The following ZBTB20 variants were observed in gnomAD, a reference collection of about 807,000 sequenced individuals.
ZBTB20 encodes zinc finger and BTB domain containing 20.
ZBTB20 carries 9 observed loss-of-function variants against 56.9 expected under a neutral mutation model. That is an observed-to-expected ratio of 0.16 (90% CI 0.10 to 0.28). The LOEUF is 0.28. Ranked by LOEUF, ZBTB20 falls within the 10% of genes least tolerant of loss-of-function variation. The pLI is 1.00. For synonymous variants in ZBTB20, 417 were observed against 420.7 expected (o/e 0.99, Z 0.11); for missense variants, 655 against 1,003.0 (o/e 0.65, Z 4.69).
chr3:114,401,119 C>CACACACACACACACACACACACACA (rs61015810), intron 7 of ZBTB20, among the ~76,000 whole-genome samples: 6 of 150,516 alleles, frequency 4.0e-5, no homozygotes, highest in East Asian at 2.0e-4. Flanking sequence ...CACACACACA[C>CACACACACACACACACACACACACA]TACTCCCAAT....
intron 2 of ZBTB20, among the ~76,000 whole-genome samples, chr3:114,991,813 G>A (rs1317225483): frequency 6.6e-6 from 1 of 152,062 alleles, no homozygotes; most frequent in Non-Finnish European, 1.5e-5. Flanking sequence ...ATATATTTAG[G>A]ATAGTTAGCT....
chr3:114,435,044 A>T (rs1246679757), intron 7 of ZBTB20, among the ~76,000 whole-genome samples: 5 of 152,122 alleles, frequency 3.3e-5, no homozygotes, highest in Admixed American at 1.3e-4. Flanking sequence ...TAGTCCATGT[A>T]TCCTATTGTA....
At chr3:114,894,954 A>G (rs2074810991) in intron 4 of ZBTB20, among the ~76,000 whole-genome samples, 1 of 152,180 alleles carries the variant, frequency 6.6e-6, no homozygotes, top group Non-Finnish European at 1.5e-5. Flanking sequence ...AGTAATAATC[A>G]ATTCTATATA....
At chr3:115,043,383 A>T (rs2081216426) in intron 2 of ZBTB20, among the ~76,000 whole-genome samples, 1 of 150,352 alleles carries the variant, frequency 6.7e-6, no homozygotes, top group Admixed American at 6.6e-5. Context: ...ACATGGTGAA[A>T]CCCCATCTCT....
intron 1 of ZBTB20, among the ~76,000 whole-genome samples, chr3:115,120,865 G>T (rs2084164583): frequency 6.6e-6 from 1 of 151,984 alleles, no homozygotes; most frequent in African/African-American, 2.4e-5. Context: ...GTGATAAAAT[G>T]TAAAGTCTTT....
intron 11 of ZBTB20, among the ~76,000 whole-genome samples, chr3:114,348,381 G>A (rs751344216): frequency 1.3e-5 from 2 of 152,134 alleles, no homozygotes; most frequent in Non-Finnish European, 2.9e-5. Context: ...ATCATAAGAT[G>A]CTACAAAATA....
intron 2 of ZBTB20, among the ~76,000 whole-genome samples, chr3:115,029,267 C>A (rs1000681047): frequency 1.3e-5 from 2 of 150,576 alleles, no homozygotes; most frequent in African/African-American, 4.9e-5. Flanking sequence ...AGATGAGAAA[C>A]CTCTATGTCA....
chr3:114,461,301 C>G (rs187475378), intron 7 of ZBTB20, among the ~76,000 whole-genome samples: 331 of 151,186 alleles, frequency 2.2e-3, no homozygotes, highest in Non-Finnish European at 3.6e-3. Context: ...TCTCCTCCCC[C>G]CCCCCTCTTT....
At chr3:114,448,009 A>C (rs756122418) in intron 7 of ZBTB20, among the ~76,000 whole-genome samples, 1 of 152,204 alleles carries the variant, frequency 6.6e-6, no homozygotes, top group Non-Finnish European at 1.5e-5. Flanking sequence ...TGTTGAAGGA[A>C]ATGTCTCAGA....
At chr3:114,575,312 C>A (rs1275051311) in intron 6 of ZBTB20, among the ~76,000 whole-genome samples, 1 of 152,158 alleles carries the variant, frequency 6.6e-6, no homozygotes, top group Non-Finnish European at 1.5e-5. Context: ...ATATGTACTT[C>A]TTATAAATCA....
At chr3:114,483,681 C>T (rs1228698592) in intron 7 of ZBTB20, among the ~76,000 whole-genome samples, 1 of 152,178 alleles carries the variant, frequency 6.6e-6, no homozygotes, top group Non-Finnish European at 1.5e-5. Context: ...CTCTCCTCAT[C>T]ATGTAGGACA....
intron 4 of ZBTB20, among the ~76,000 whole-genome samples, chr3:114,880,683 A>C (rs995643362): frequency 2.0e-5 from 3 of 152,178 alleles, no homozygotes; most frequent in Non-Finnish European, 4.4e-5. Flanking sequence ...CATGTCCAAA[A>C]ATTAGAGATC....
chr3:114,645,851 A>C (rs1260312160), intron 6 of ZBTB20, among the ~76,000 whole-genome samples: 1 of 152,234 alleles, frequency 6.6e-6, no homozygotes, highest in Non-Finnish European at 1.5e-5. Flanking sequence ...CTATCTATAA[A>C]GCAGGAGATA....
intron 8 of ZBTB20, among the ~76,000 whole-genome samples, chr3:114,384,806 T>C (rs937560078): frequency 6.6e-6 from 1 of 152,236 alleles, no homozygotes; most frequent in Non-Finnish European, 1.5e-5. Context: ...GAAAGAAATA[T>C]GCATTAAAAC....
intron 6 of ZBTB20, among the ~76,000 whole-genome samples, chr3:114,618,377 C>G (rs1246953884): frequency 6.6e-6 from 1 of 151,418 alleles, no homozygotes; most frequent in Non-Finnish European, 1.5e-5. Flanking sequence ...CCATCTCAGC[C>G]TCCTCGGTAG....
At chr3:114,703,065 T>C (rs564368203) in intron 5 of ZBTB20, among the ~76,000 whole-genome samples, 4 of 152,230 alleles carry the variant, frequency 2.6e-5, no homozygotes, top group Admixed American at 2.6e-4. Context: ...TCTTTAAAAA[T>C]ATTTTAAAAT....
At chr3:114,744,028 G>A (rs1266279385) in intron 5 of ZBTB20, among the ~76,000 whole-genome samples, 1 of 152,190 alleles carries the variant, frequency 6.6e-6, no homozygotes, top group Non-Finnish European at 1.5e-5. Flanking sequence ...AAACCCCAGT[G>A]TGAACTTGAT....
chr3:114,483,059 C>A (rs1216570166), intron 7 of ZBTB20, among the ~76,000 whole-genome samples: 4 of 152,154 alleles, frequency 2.6e-5, no homozygotes, highest in Admixed American at 1.3e-4. Context: ...GTGCAACAAC[C>A]TGTTCACAAT....
rs528254387 is a variant in ZBTB20 at position 114,692,302 on chromosome 3, C to A, written c.-295+1226G>T. ...CGTGGGAGTGGGGAGGGAGGCGGAG[C>A]TACAATCCCGAAGGCTCCTGGCCTT... On this transcript the variant is annotated intron_variant, in intron 6 of 11. Transcript: ENST00000675478. Among the ~76,000 whole-genome samples the A allele has an allele frequency of 2.0e-5, 3 of 152,132 alleles. No individual in the cohort carries two copies. In the South Asian group the frequency reaches 6.2e-4, roughly 32 times the overall value.
Sources: gnomAD v4.1 joint callset for allele counts (sites outside exome capture counted in the v4.1 genomes callset) on GRCh38, gnomAD v4.1.1 for gene constraint, MANE v1.5 for transcripts, NCBI Gene and HGNC (gene_info 2026-07-23, HGNC 2026-07-21) for gene names.